ARHGEF7: variants seen among roughly 807,000 people sequenced by gnomAD.
ARHGEF7 encodes the protein PAK-interacting exchange factor beta.
Under a neutral mutation model 109.8 loss-of-function variants are expected in ARHGEF7, and 33 were observed. The observed-to-expected ratio is 0.30, with a 90% CI of 0.23 to 0.40. The LOEUF is 0.40. ARHGEF7 is among the 10% of genes least tolerant of loss of function. The pLI is 1.00. For missense variants in ARHGEF7, 938 were observed against 1,098.5 expected (o/e 0.85, Z 2.07); for synonymous variants, 458 against 424.6 (o/e 1.08, Z -0.97).
rs1324657851 is a variant in ARHGEF7, at chr13:111,131,148, G to A, written c.165+15457G>A. ...ATGAAATGAGCCCAGGATGGAGGAT[G>A]TGAAGATGGTTATGAAACTCCCACG... On this transcript the variant is annotated intron_variant, in intron 1 of 21. Transcript: ENST00000646102. This position sits in a 1 kb window ranked among gnomAD's most constrained non-coding sequence, Gnocchi z 4.4. Among the ~76,000 whole-genome samples, 1 of 152,224 alleles carries A rather than the reference G, an allele frequency of 6.6e-6. No individual in the cohort carries two copies. The highest frequency in any genetic ancestry group is 1.5e-5 in the Non-Finnish European group (1 of 68,044).
intron 2 of ARHGEF7, among the ~76,000 whole-genome samples, chr13:111,192,498 G>A (rs1444826469): frequency 6.6e-6 from 1 of 152,206 alleles, no homozygotes; most frequent in African/African-American, 2.4e-5. Flanking sequence ...TGTGAGAAAA[G>A]GTCGTCCATA....
At chr13:111,114,736 C>CT (rs2066636632), upstream of ARHGEF7, 1 of 152,340 alleles carries the variant, frequency 6.6e-6, no homozygotes, top group South Asian at 2.1e-4. Flanking sequence ...CACCGTCCGT[C>CT]TAGAGCAGAG....
chr13:111,222,182 C>T (rs1283611045), intron 5 of ARHGEF7, among the ~76,000 whole-genome samples: 2 of 152,166 alleles, frequency 1.3e-5, no homozygotes, highest in Non-Finnish European at 2.9e-5. Context: ...CAAGTTGGCA[C>T]TGAGTATTAA....
At chr13:111,216,734 C>T (rs1459191695) in intron 4 of ARHGEF7, among the ~76,000 whole-genome samples, 3 of 152,148 alleles carry the variant, frequency 2.0e-5, no homozygotes, top group Non-Finnish European at 2.9e-5. Context: ...AGGGGTGGGC[C>T]GGGGCTGAGG....
At chr13:111,238,560 T>C (rs1285265703) in intron 6 of ARHGEF7, among the ~76,000 whole-genome samples, 1 of 152,178 alleles carries the variant, frequency 6.6e-6, no homozygotes, top group East Asian at 1.9e-4. Flanking sequence ...GGTGGCCTGA[T>C]CATATAATTA....
chr13:111,295,122 G>A (rs2093398199), intron 19 of ARHGEF7: 1 of 982,358 alleles, frequency 1.0e-6, no homozygotes. Context: ...GGTTGCATAT[G>A]GCAATGAAGT....
chr13:111,221,208 T>TATATATGTCTATATATATCTATATAG (rs2083859492), intron 5 of ARHGEF7, among the ~76,000 whole-genome samples: 1 of 59,432 alleles, frequency 1.7e-5, no homozygotes, highest in African/African-American at 7.6e-5. Context: ...TCTATATAGA[T>TATATATGTCTATATATATCTATATAG]ATATATGTCT....
rs148365105 is a variant in ARHGEF7, at chr13:111,189,248, T to C, written c.253-16041T>C. 9.4e-3 allele frequency among the ~76,000 whole-genome samples: 1,432 copies of C among 152,318 alleles called. 22 individuals carry two copies. The highest frequency in any genetic ancestry group is 0.032 in the African/African-American group (1,348 of 41,560). On this transcript the variant is annotated intron_variant, in intron 2 of 21. Transcript: ENST00000646102. Reference sequence around the variant, plus strand: ...TTGGTTCCTTCTGGTGGGTTCTTGGTCTCGCTGACTTCAAGAATGAAGCCG... The same window carrying C: ...TTGGTTCCTTCTGGTGGGTTCTTGGCCTCGCTGACTTCAAGAATGAAGCCG...
chr13:111,212,749 G>A (rs1440733366), intron 4 of ARHGEF7, among the ~76,000 whole-genome samples: 1 of 152,092 alleles, frequency 6.6e-6, no homozygotes, highest in Non-Finnish European at 1.5e-5. Flanking sequence ...TGTACACATT[G>A]TTAAATATTT....
At chr13:111,179,252 T>G (rs556635342) in intron 2 of ARHGEF7, among the ~76,000 whole-genome samples, 31 of 152,212 alleles carry the variant, frequency 2.0e-4, no homozygotes, top group East Asian at 1.4e-3. Flanking sequence ...CTACTTTTTT[T>G]TGTGTGTTTT....
At chr13:111,194,213 C>T (rs751562480) in intron 2 of ARHGEF7, among the ~76,000 whole-genome samples, 1 of 152,212 alleles carries the variant, frequency 6.6e-6, no homozygotes, top group South Asian at 2.1e-4. Flanking sequence ...GCTATTCCTG[C>T]TCTCTCTCTG....
Position 111,273,206 on chromosome 13 carries a change from C to T in ARHGEF7, c.1074-608C>T, listed in dbSNP as rs892648457. On this transcript the variant is annotated intron_variant, in intron 9 of 21. Coordinates refer to ENST00000646102, the MANE Select transcript of ARHGEF7 (RefSeq NM_001354046.2). This position sits in a 1 kb window ranked among gnomAD's most constrained non-coding sequence, Gnocchi z 4.5. ...GTCTGCACACAGGGACCCCTTTCTT[C>T]CTCACGTATTGTGAGGATTAAACTT... Among the ~76,000 whole-genome samples, 1 of 152,160 alleles carries T rather than the reference C, an allele frequency of 6.6e-6. No individual in the cohort carries two copies. The highest frequency in any genetic ancestry group is 2.1e-4 in the South Asian group (1 of 4,828).
intron 2 of ARHGEF7, among the ~76,000 whole-genome samples, chr13:111,198,815 C>G (rs1426437084): frequency 6.6e-6 from 1 of 152,174 alleles, no homozygotes; most frequent in Non-Finnish European, 1.5e-5. Flanking sequence ...TTTGGCCCTG[C>G]CCACGTCCTG....
chr13:111,303,828 G>A lies in ARHGEF7; in HGVS notation c.*715G>A, dbSNP rs2093614188. 6.6e-6 allele frequency: 1 copy of A among 152,248 alleles called. No homozygotes were observed. Among genetic ancestry groups the A allele is most frequent in the African/African-American group, 2.4e-5 (1 of 41,466 alleles). 9.4% of individuals were successfully genotyped at this position (152,248 alleles called of 1,614,324 possible). ...GGCACTGCCGCATCCACCTAGAGGT[G>A]TTTGCTCTTGTCCGCTGTCTGAGTA... On this transcript the variant is annotated 3_prime_UTR_variant, in exon 22 of 22. Coordinates refer to ENST00000646102, the MANE Select transcript of ARHGEF7 (RefSeq NM_001354046.2).
At chr13:111,156,169 C>T (rs1283923312) in intron 2 of ARHGEF7, among the ~76,000 whole-genome samples, 1 of 149,780 alleles carries the variant, frequency 6.7e-6, no homozygotes, top group African/African-American at 2.5e-5. Flanking sequence ...CATACAGTAA[C>T]TATTGTTTTT....
chr13:111,153,578 G>C, intron 1 of ARHGEF7: 6 of 1,075,174 alleles, frequency 5.6e-6, no homozygotes, highest in Non-Finnish European at 6.8e-6. Context: ...CTGCGTCCGC[G>C]GGGGCGAACA....
intron 8 of ARHGEF7, among the ~76,000 whole-genome samples, chr13:111,253,282 A>G (rs554708232): frequency 1.4e-4 from 22 of 152,378 alleles, no homozygotes; most frequent in Non-Finnish European, 1.8e-4. Flanking sequence ...TTTGTAAAAA[A>G]TTGCCTCTAT....
chr13:111,197,159 G>A (rs562735544), intron 2 of ARHGEF7, among the ~76,000 whole-genome samples: 6 of 151,836 alleles, frequency 4.0e-5, no homozygotes, highest in Non-Finnish European at 8.8e-5. Context: ...TGCGCTCACC[G>A]ACGCAGCAGC....
intron 5 of ARHGEF7, among the ~76,000 whole-genome samples, chr13:111,218,605 C>A (rs141743711): frequency 5.9e-4 from 90 of 152,080 alleles, no homozygotes; most frequent in African/African-American, 2.1e-3. Context: ...GAGTGACTTA[C>A]AGAGAATAGC....
Sources: gnomAD v4.1 joint callset for allele counts (sites outside exome capture counted in the v4.1 genomes callset) on GRCh38, gnomAD v4.1.1 for gene constraint, Gnocchi (gnomAD v3.1) non-coding constraint, MANE v1.5 for transcripts, NCBI Gene and HGNC (gene_info 2026-07-23, HGNC 2026-07-21) for gene names.